The following GNAO1 variants were observed in gnomAD, a reference collection of about 807,000 sequenced individuals.
GNAO1 encodes G protein subunit alpha o1.
For missense variants in GNAO1, 166 were observed against 478.7 expected, an observed-to-expected ratio of 0.35 and a Z score of 6.10; for synonymous variants, 164 against 180.7, an observed-to-expected ratio of 0.91 and a Z score of 0.74.
At chr16:56,277,668 T>C (rs2037072654) in intron 3 of GNAO1, among the ~76,000 whole-genome samples, 2 of 152,220 alleles carry the variant, frequency 1.3e-5, no homozygotes, top group South Asian at 4.2e-4. Context: ...TCTTCAGGCA[T>C]GGCACAAGCC....
intron 2 of GNAO1, 49 bp from the exon 3 acceptor site, chr16:56,275,882 G>A: frequency 5.8e-6 from 9 of 1,539,748 alleles, no homozygotes; most frequent in Non-Finnish European, 7.9e-6. Context: ...TCTCTGTGTT[G>A]ATGAGGACAA....
At chr16:56,205,023 A>G (rs1261943936) in intron 2 of GNAO1, among the ~76,000 whole-genome samples, 3 of 152,194 alleles carry the variant, frequency 2.0e-5, no homozygotes, top group African/African-American at 7.2e-5. Flanking sequence ...AACTGACATA[A>G]TAAATTATAA....
intron 8 of GNAO1, chr16:56,355,858 G>A (rs1481832845): frequency 1.3e-5 from 2 of 152,166 alleles, no homozygotes; most frequent in Admixed American, 6.6e-5. Context: ...TGGGGAGCGA[G>A]GGGAACAGGC....
chr16:56,224,653 G>T (rs1372243674), intron 2 of GNAO1, among the ~76,000 whole-genome samples: 2 of 152,114 alleles, frequency 1.3e-5, no homozygotes, highest in Non-Finnish European at 2.9e-5. Flanking sequence ...CTAATTTTTT[G>T]TATTTTTAGT....
rs148322280 is a variant in GNAO1 at position 56,305,401 on chromosome 16, G to A, written c.304-23230G>A. Among the ~76,000 whole-genome samples the A allele has an allele frequency of 3.0e-3, 462 of 152,324 alleles. 3 individuals carry two copies. Among genetic ancestry groups the A allele is most frequent in the African/African-American group, 0.01 (436 of 41,566 alleles). On this transcript the variant is annotated intron_variant, in intron 3 of 8. Coordinates refer to ENST00000262493, the MANE Select transcript of GNAO1 (RefSeq NM_020988.3). ...TAGGATGAGAAAAACTTTTGCTTTA[G>A]ATTGGGAGATGGGGGTGATCAGGGA...
At chr16:56,237,888 T>C (rs1157539087) in intron 2 of GNAO1, among the ~76,000 whole-genome samples, 1 of 152,186 alleles carries the variant, frequency 6.6e-6, no homozygotes, top group Admixed American at 6.5e-5. Context: ...AAGACCCAAG[T>C]TAGTGTCTAG....
intron 6 of GNAO1, chr16:56,344,480 G>A (rs1596878063): frequency 7.1e-6 from 7 of 990,510 alleles, no homozygotes; most frequent in East Asian, 1.1e-4. Context: ...AGGCCTTGGC[G>A]ATGGCCTCCG....
At chr16:56,350,029 G>A (rs1225490282) in intron 6 of GNAO1, among the ~76,000 whole-genome samples, 3 of 152,188 alleles carry the variant, frequency 2.0e-5, no homozygotes, top group African/African-American at 7.2e-5. Flanking sequence ...TAAGTGACAT[G>A]GGCAGGGAGA....
chr16:56,255,604 T>C (rs1212423832), intron 2 of GNAO1: 1 of 152,196 alleles, frequency 6.6e-6, no homozygotes, highest in Non-Finnish European at 1.5e-5. Flanking sequence ...AACCTATGTG[T>C]ATGTCTTTTC....
At chr16:56,318,942 C>A (rs2398144) in intron 3 of GNAO1, among the ~76,000 whole-genome samples, 74,091 of 151,956 alleles carry the variant, frequency 0.49, 18,881 homozygotes, top group East Asian at 0.78. Context: ...CTCAGAGGTT[C>A]AGTGTTCTGT....
intron 6 of GNAO1, among the ~76,000 whole-genome samples, chr16:56,349,517 T>C (rs1389732904): frequency 6.6e-6 from 1 of 152,160 alleles, no homozygotes; most frequent in African/African-American, 2.4e-5. Flanking sequence ...CCCAGTGAGG[T>C]GGCTCAGGGC....
chr16:56,342,869 T>C (rs1388596595), intron 6 of GNAO1, among the ~76,000 whole-genome samples: 1 of 152,134 alleles, frequency 6.6e-6, no homozygotes, highest in East Asian at 1.9e-4. Flanking sequence ...TCCCAGCACT[T>C]TGGGAGGCCG....
chr16:56,276,189 G>A, intron 3 of GNAO1, 117 bp downstream of exon 3: 1 of 877,428 alleles, frequency 1.1e-6, no homozygotes, highest in Non-Finnish European at 1.7e-6. Flanking sequence ...CGCTATGTTT[G>A]AAAGATATAT....
At chr16:56,350,532 C>T (rs111356215) in intron 6 of GNAO1, among the ~76,000 whole-genome samples, 2,083 of 152,320 alleles carry the variant, frequency 0.014, 37 homozygotes, top group Non-Finnish European at 0.016. Context: ...ATCTGTGGGG[C>T]GCCCATCACG....
At chr16:56,262,436 C>T (rs2036912049) in intron 2 of GNAO1, among the ~76,000 whole-genome samples, 1 of 152,184 alleles carries the variant, frequency 6.6e-6, no homozygotes, top group African/African-American at 2.4e-5. Flanking sequence ...CCAAAGACAG[C>T]AGCTTTTGTG....
At chr16:56,209,424 G>A (rs1186775694) in intron 2 of GNAO1, among the ~76,000 whole-genome samples, 1 of 152,176 alleles carries the variant, frequency 6.6e-6, no homozygotes, top group Non-Finnish European at 1.5e-5. Context: ...CTTCATGAGT[G>A]TCTTGGCTGT....
intron 3 of GNAO1, among the ~76,000 whole-genome samples, chr16:56,321,062 G>A (rs1395601395): frequency 6.6e-6 from 1 of 152,216 alleles, no homozygotes; most frequent in Non-Finnish European, 1.5e-5. Flanking sequence ...TGCACGGGGT[G>A]TGGTCAGATA....
chr16:56,208,459 G>GCA (rs199829680), intron 2 of GNAO1, among the ~76,000 whole-genome samples: 1 of 126,166 alleles, frequency 7.9e-6, no homozygotes, highest in Non-Finnish European at 1.7e-5. Context: ...GCGCGCGCGC[G>GCA]CACGTGTGTG....
chr16:56,213,415 AT>A (rs1377009723), intron 2 of GNAO1: 2 of 398,290 alleles, frequency 5.0e-6, no homozygotes. Context: ...ACATAGTAGT[AT>A]TATACATCAG....
Sources: gnomAD v4.1 joint callset for allele counts (sites outside exome capture counted in the v4.1 genomes callset) on GRCh38, gnomAD v4.1.1 for gene constraint, MANE v1.5 for transcripts, NCBI Gene and HGNC (gene_info 2026-07-23, HGNC 2026-07-21) for gene names.